ZNF44: variants seen among roughly 807,000 people sequenced by gnomAD.
ZNF44 encodes the protein zinc finger protein 44.
A neutral mutation model predicts 11.7 loss-of-function variants in ZNF44; 9 were observed. The observed-to-expected ratio is 0.77, with a 90% CI of 0.46 to 1.35. The LOEUF is 1.35. Among genes scored for constraint, ZNF44 ranks in the 40% most tolerant of loss-of-function variants. The pLI, the probability that ZNF44 is intolerant of heterozygous loss-of-function variation, is 0.00. For missense variants in ZNF44, 696 were observed against 743.1 expected, an observed-to-expected ratio of 0.94 and a Z score of 0.74; for synonymous variants, 224 against 242.7, an observed-to-expected ratio of 0.92 and a Z score of 0.72.
chr19:12,250,373 A>G (rs1229002565), intron 5 of ZNF44: 4 of 1,356,748 alleles, frequency 2.9e-6, no homozygotes, highest in South Asian at 2.3e-5. Context: ...TGAGTCCTAA[A>G]ACATTCCAAA....
downstream of ZNF44, chr19:12,247,569 G>A: frequency 7.5e-7 from 1 of 1,341,676 alleles, no homozygotes; most frequent in Non-Finnish European, 9.9e-7. Context: ...CTGGAAACCT[G>A]CAAGAGTAAT....
downstream of ZNF44, among the ~76,000 whole-genome samples, chr19:12,225,459 T>C (rs528793217): frequency 6.6e-6 from 1 of 152,328 alleles, no homozygotes; most frequent in East Asian, 1.9e-4. Context: ...TAGCGCTTTT[T>C]ACTAGGTCTG....
intron 1 of ZNF44, chr19:12,291,357 G>A: frequency 2.5e-6 from 1 of 404,558 alleles, no homozygotes; most frequent in Non-Finnish European, 4.8e-6. Context: ...CAAAATGGAA[G>A]AGTTTTCCCA....
intron 1 of ZNF44, chr19:12,284,295 T>C (rs2145753476): frequency 2.3e-6 from 1 of 441,818 alleles, no homozygotes; most frequent in East Asian, 5.0e-5. Flanking sequence ...AACTAAAAGA[T>C]AAATATTAAA....
chr19:12,264,426 G>A (rs994206812), intron 5 of ZNF44, among the ~76,000 whole-genome samples: 5 of 152,096 alleles, frequency 3.3e-5, no homozygotes, highest in Non-Finnish European at 5.9e-5. Context: ...CTAGTCATGC[G>A]GCTTTAGAAC....
intron 5 of ZNF44, among the ~76,000 whole-genome samples, chr19:12,262,666 G>A (rs952337546): frequency 1.2e-4 from 19 of 152,074 alleles, no homozygotes; most frequent in Admixed American, 3.9e-4. Context: ...AAATGTACCC[G>A]AGAACTTCAA....
At chr19:12,282,938 T>C (rs1967549385) in intron 1 of ZNF44, among the ~76,000 whole-genome samples, 1 of 152,220 alleles carries the variant, frequency 6.6e-6, no homozygotes, top group Admixed American at 6.5e-5. Flanking sequence ...TAGGCAATGA[T>C]TGTAACGTCT....
chr19:12,284,499 A>C (rs1235881984), intron 1 of ZNF44: 1 of 676,468 alleles, frequency 1.5e-6, no homozygotes, highest in Admixed American at 1.9e-5. Context: ...GCCCGTTACC[A>C]AGCTGGGCTG....
intron 5 of ZNF44, among the ~76,000 whole-genome samples, chr19:12,251,137 G>C (rs1916974822): frequency 6.6e-6 from 1 of 152,062 alleles, no homozygotes. Context: ...TTCCAGACCA[G>C]CCTGGCTAAA....
At position 12,273,125 on chromosome 19, in the gene ZNF44, CGAT is replaced by C. The variant is rs766081189; in HGVS notation, c.1127_1129del (p.His376del). ...CATCATGTGTCTTCGAAAGCTTGAG[CGAT>C]GAGATAACAATTTCCCACATTGCTT... is the stretch of plus-strand genomic sequence containing the variant. On this transcript the variant is annotated inframe_deletion, in exon 4 of 4. Coordinates refer to ENST00000355684, the MANE Select transcript of ZNF44 (RefSeq NM_016264.4). 6.2e-6 allele frequency: 10 copies of C among 1,613,662 alleles called. No homozygotes were observed. The highest frequency in any genetic ancestry group is 8.5e-6 in the Non-Finnish European group (10 of 1,179,732).
chr19:12,250,147 C>T, intron 6 of ZNF44: 1 of 1,257,878 alleles, frequency 7.9e-7, no homozygotes, highest in African/African-American at 1.6e-5. Flanking sequence ...AGAATTTTGC[C>T]TTTTCACATT....
intron 1 of ZNF44, among the ~76,000 whole-genome samples, chr19:12,282,665 C>T (rs62111281): frequency 4.6e-5 from 7 of 152,000 alleles, no homozygotes; most frequent in Non-Finnish European, 8.8e-5. Flanking sequence ...TGAGGTGATC[C>T]GCCCACCTAG....
At chr19:12,234,310 C>T (rs1469760338) in intron 2 of ZNF44, among the ~76,000 whole-genome samples, 1 of 152,098 alleles carries the variant, frequency 6.6e-6, no homozygotes, top group Non-Finnish European at 1.5e-5. Context: ...ATCTATGTTA[C>T]AGTAAGTATA....
At chr19:12,250,409 C>T in intron 5 of ZNF44, 1 of 1,316,552 alleles carries the variant, frequency 7.6e-7, no homozygotes, top group Non-Finnish European at 1.0e-6. Context: ...ATGGGTGAGA[C>T]TGACAGCACT....
intron 1 of ZNF44, among the ~76,000 whole-genome samples, chr19:12,291,760 G>A (rs1053108149): frequency 6.6e-6 from 1 of 151,948 alleles, no homozygotes. Flanking sequence ...CATTGGCCGA[G>A]GCGGGAGGAT....
Position 12,293,875 on chromosome 19 carries a change from C to T in ZNF44, c.3+817G>A, listed in dbSNP as rs150413259. On this transcript the variant is annotated intron_variant, in intron 1 of 3. Transcript: ENST00000355684. The stretch of plus-strand genomic sequence containing the variant: ...ACCCCACACACGAGTCTGGTTTGTG[C>T]CTAGTGACCCTCCCACCGTCACCGT... Among the ~76,000 whole-genome samples, 3 of 151,876 alleles carry T rather than the reference C, an allele frequency of 2.0e-5. No homozygotes were observed. The East Asian group carries it at 5.8e-4, about 29-fold the overall frequency.
intron 5 of ZNF44, among the ~76,000 whole-genome samples, chr19:12,266,566 T>C (rs576294465): frequency 1.3e-5 from 2 of 152,222 alleles, no homozygotes; most frequent in South Asian, 4.2e-4. Flanking sequence ...GGGGACACAG[T>C]GCAGAGAGGA....
In ZNF44 at chr19:12,273,961, G is replaced by A. The variant is rs201703802; in HGVS notation, c.294C>T (p.Ala98=). The A allele has an allele frequency of 6.2e-6, 10 of 1,614,068 alleles. No homozygotes were observed. The East Asian group carries it at 2.2e-4, about 36-fold the overall frequency. The change falls in exon 4 of 4, where the codon GCC becomes GCT. Residue 98 remains alanine, a synonymous_variant. Transcript: ENST00000355684. Reference sequence around the variant, plus strand: ...CACTGCTTCCACATGCATCTACTCTGGCGGGAGTGTTCTTGTTTACAATAC... The same window carrying A: ...CACTGCTTCCACATGCATCTACTCTAGCGGGAGTGTTCTTGTTTACAATAC... ...RNSIVNKNTP[A]RVDACGSSVN...
At chr19:12,246,963 G>T (rs1009652653), downstream of ZNF44, among the ~76,000 whole-genome samples, 4 of 151,548 alleles carry the variant, frequency 2.6e-5, no homozygotes, top group Admixed American at 6.6e-5. Flanking sequence ...GGTCAGGGGA[G>T]TTGGCGACCA....
Sources: allele counts gnomAD v4.1 joint callset (sites outside exome capture counted in the v4.1 genomes callset), GRCh38; gene constraint gnomAD v4.1.1; transcripts MANE v1.5; gene names NCBI Gene and HGNC (gene_info 2026-07-23, HGNC 2026-07-21).